SEPTIN9: variants seen among roughly 807,000 people sequenced by gnomAD.
The protein encoded by SEPTIN9 is septin-9.
Under a neutral mutation model 56.6 loss-of-function variants are expected in SEPTIN9, and 13 were observed. That is an observed-to-expected ratio of 0.23 (90% CI 0.15 to 0.37). The LOEUF is 0.37. Among genes scored for constraint, SEPTIN9 ranks in the 10% least tolerant of loss-of-function variants. The probability of loss-of-function intolerance (pLI) is 1.00; values close to 1 mark genes in which losing one functional copy is unlikely to be tolerated. For synonymous variants in SEPTIN9, 332 were observed against 334.1 expected (o/e 0.99, Z 0.07); for missense variants, 650 against 823.1 (o/e 0.79, Z 2.57).
chr17:77,396,388 G>A (rs146580653), intron 2 of SEPTIN9, among the ~76,000 whole-genome samples: 6 of 152,302 alleles, frequency 3.9e-5, no homozygotes, highest in East Asian at 3.9e-4. Context: ...AGTCACGTAC[G>A]GGGTTCTAAA....
intron 2 of SEPTIN9, among the ~76,000 whole-genome samples, chr17:77,387,951 C>T (rs933054634): frequency 1.5e-4 from 21 of 144,794 alleles, no homozygotes; most frequent in Non-Finnish European, 2.4e-4. Flanking sequence ...CAAAGGCAGG[C>T]GCCGTTTCCT....
At chr17:77,391,691 C>A (rs2035545959) in intron 2 of SEPTIN9, among the ~76,000 whole-genome samples, 2 of 152,130 alleles carry the variant, frequency 1.3e-5, no homozygotes, top group Non-Finnish European at 2.9e-5. Flanking sequence ...TGCCAATGTC[C>A]CCTGCGGACA....
chr17:77,498,910 A>G lies in SEPTIN9; in HGVS notation c.*252A>G, dbSNP rs2040394279. The G allele has an allele frequency of 1.7e-6, 1 of 576,528 alleles. No homozygotes were observed. Among genetic ancestry groups the G allele is most frequent in the African/African-American group, 1.8e-5 (1 of 54,996 alleles). The allele number at this position is 576,528 out of a possible 1,614,324, so 35.7% of individuals were successfully genotyped here. A position where few individuals can be genotyped will look rare whatever the true frequency, so the allele number is the denominator to read the frequency against. ...AGGGGTGAGAGCACCCACTGAATTG[A>G]CATGACCCTCTGTCCCCAGGCCTGG... On this transcript the variant is annotated 3_prime_UTR_variant, in exon 12 of 12. Coordinates refer to ENST00000427177, the MANE Select transcript of SEPTIN9 (RefSeq NM_001113491.2).
At chr17:77,383,988 G>A (rs141909510) in intron 2 of SEPTIN9, among the ~76,000 whole-genome samples, 1 of 152,326 alleles carries the variant, frequency 6.6e-6, no homozygotes, top group African/African-American at 2.4e-5. Flanking sequence ...CCCTTCTTAG[G>A]CTTCTACTAC....
At chr17:77,454,860 C>T (rs1166685099) in intron 3 of SEPTIN9, among the ~76,000 whole-genome samples, 1 of 152,194 alleles carries the variant, frequency 6.6e-6, no homozygotes, top group Non-Finnish European at 1.5e-5. Context: ...CTGGAACCAT[C>T]ACAGTAGACC....
intron 3 of SEPTIN9, chr17:77,444,792 C>T (rs1452613631): frequency 4.4e-5 from 11 of 249,532 alleles, no homozygotes; most frequent in Non-Finnish European, 8.9e-5. Flanking sequence ...GTGAGACGGG[C>T]GGACACCAGA....
chr17:77,290,581 A>C (rs1224500638), intron 1 of SEPTIN9, among the ~76,000 whole-genome samples: 1 of 151,724 alleles, frequency 6.6e-6, no homozygotes. Flanking sequence ...TAATCCCAGC[A>C]CTTTGAGAGG....
At chr17:77,365,253 A>T (rs944481610) in intron 2 of SEPTIN9, among the ~76,000 whole-genome samples, 3 of 152,144 alleles carry the variant, frequency 2.0e-5, no homozygotes, top group Non-Finnish European at 4.4e-5. Flanking sequence ...CTGACTGCAG[A>T]TGTATTTTGC....
chr17:77,470,511 CATCCACTCATCCATCT>C (rs1266443436), intron 3 of SEPTIN9, among the ~76,000 whole-genome samples: 20 of 152,272 alleles, frequency 1.3e-4, no homozygotes, highest in Middle Eastern at 3.4e-3. Flanking sequence ...CTCATCTACT[CATCCACTCATCCATCT>C]ATCCACTCAT....
chr17:77,395,716 T>C (rs1270220953), intron 2 of SEPTIN9, among the ~76,000 whole-genome samples: 1 of 152,194 alleles, frequency 6.6e-6, no homozygotes, highest in Non-Finnish European at 1.5e-5. Context: ...ACTGCACATG[T>C]GTGTATGAAA....
At chr17:77,409,350 G>T (rs73373392) in intron 3 of SEPTIN9, among the ~76,000 whole-genome samples, 1 of 152,124 alleles carries the variant, frequency 6.6e-6, no homozygotes, top group Non-Finnish European at 1.5e-5. Flanking sequence ...ACGGGGTGGG[G>T]CCAGAGAACA....
At chr17:77,381,009 C>G (rs958910663) in intron 2 of SEPTIN9, among the ~76,000 whole-genome samples, 6 of 152,176 alleles carry the variant, frequency 3.9e-5, no homozygotes, top group Non-Finnish European at 7.4e-5. Context: ...TGATTCTGTG[C>G]CTGGTTTCGC....
At chr17:77,478,753 G>A (rs1039053820) in intron 3 of SEPTIN9, among the ~76,000 whole-genome samples, 1 of 150,422 alleles carries the variant, frequency 6.6e-6, no homozygotes, top group African/African-American at 2.5e-5. Flanking sequence ...TCGGTGAGCC[G>A]AGATCGCGCC....
At chr17:77,349,137 C>T (rs1176207244) in intron 2 of SEPTIN9, among the ~76,000 whole-genome samples, 1 of 151,882 alleles carries the variant, frequency 6.6e-6, no homozygotes, top group Non-Finnish European at 1.5e-5. Context: ...CACTCTGTCT[C>T]CCCACAGGCT....
chr17:77,391,739 G>C (rs747107664), intron 2 of SEPTIN9, among the ~76,000 whole-genome samples: 1 of 152,214 alleles, frequency 6.6e-6, no homozygotes, highest in Non-Finnish European at 1.5e-5. Context: ...AAAGGAATCC[G>C]TAGGACTTCT....
intron 2 of SEPTIN9, among the ~76,000 whole-genome samples, chr17:77,365,024 G>A (rs1364833957): frequency 1.3e-5 from 2 of 152,248 alleles, no homozygotes; most frequent in Admixed American, 6.5e-5. Context: ...CTTTGTTAGA[G>A]ATGCAGAAGA....
chr17:77,451,413 C>G lies in SEPTIN9; in HGVS notation c.722-30731C>G, dbSNP rs2037963484. On this transcript the variant is annotated intron_variant, in intron 3 of 11. Transcript: ENST00000427177. This position sits in a 1 kb window ranked among gnomAD's most constrained non-coding sequence, Gnocchi z 4.2. ...CTCTGCCCCGCGCTCTGGGAGGCTCCTTGTTCCGCGACCACAAAGCCCCTT... is the reference window on the plus strand; with the variant it reads ...CTCTGCCCCGCGCTCTGGGAGGCTCGTTGTTCCGCGACCACAAAGCCCCTT... The G allele has an allele frequency of 2.0e-6, 2 of 985,684 alleles. No individual in the cohort carries two copies. The highest frequency in any genetic ancestry group is 2.4e-6 in the Non-Finnish European group (2 of 830,084). 61.1% of individuals were successfully genotyped at this position (985,684 alleles called of 1,614,324 possible). A position where few individuals can be genotyped will look rare whatever the true frequency, so the allele number is the denominator to read the frequency against.
chr17:77,406,663 TG>T lies in SEPTIN9; in HGVS notation c.721+3961del, dbSNP rs72319222. The stretch of plus-strand genomic sequence containing the variant: ...GGGCTGTTGTCTTTGTTTTTTTTTG[TG>T]TTTTTTTTTTGTTTTTTGTTTTTTG... On this transcript the variant is annotated intron_variant, in intron 3 of 11. Transcript: ENST00000427177. Among the ~76,000 whole-genome samples, 2,042 of 150,306 alleles carry T rather than the reference TG, an allele frequency of 0.014. 92 individuals carry two copies. The East Asian group carries it at 0.17, about 12-fold the overall frequency.
At chr17:77,469,523 C>A (rs530355117) in intron 3 of SEPTIN9, 1 of 152,190 alleles carries the variant, frequency 6.6e-6, no homozygotes, top group African/African-American at 2.4e-5. Flanking sequence ...AGCAGGCCTG[C>A]GGGGTCACGG....
Sources: allele counts gnomAD v4.1 joint callset (sites outside exome capture counted in the v4.1 genomes callset), GRCh38; gene constraint gnomAD v4.1.1; non-coding constraint Gnocchi (gnomAD v3.1); transcripts MANE v1.5; gene names NCBI Gene and HGNC (gene_info 2026-07-23, HGNC 2026-07-21).